Variants in ADK observed in about 807,000 individuals in gnomAD.
ADK encodes adenosine kinase, also known as N6,N6-dimethyladenosine kinase.
In ADK, 24 loss-of-function variants were observed where a neutral mutation model predicts 44.7. The observed-to-expected ratio is 0.54, with a 90% confidence interval of 0.39 to 0.76. ADK has a LOEUF of 0.76. Ranked by LOEUF, ADK falls within the 30% of genes least tolerant of loss-of-function variation. The pLI is 0.00. For missense variants in ADK, 321 were observed against 425.1 expected (o/e 0.76, Z 2.15); for synonymous variants, 128 against 142.6 (o/e 0.90, Z 0.73).
chr10:74,307,202 GT>G (rs776358309), intron 3 of ADK, among the ~76,000 whole-genome samples: 5 of 152,142 alleles, frequency 3.3e-5, no homozygotes, highest in Non-Finnish European at 7.4e-5. Context: ...CTCTTTTCTT[GT>G]TCTGTCTTTG....
At chr10:74,630,102 A>T (rs1853356099) in intron 9 of ADK, among the ~76,000 whole-genome samples, 1 of 152,164 alleles carries the variant, frequency 6.6e-6, no homozygotes, top group African/African-American at 2.4e-5. Flanking sequence ...GCAGCAAAAA[A>T]AAAGTTGTAA....
chr10:74,456,029 A>G (rs1474051902), intron 6 of ADK, among the ~76,000 whole-genome samples: 1 of 152,132 alleles, frequency 6.6e-6, no homozygotes, highest in Non-Finnish European at 1.5e-5. Context: ...GAGCACCCAG[A>G]TTCATAAAGC....
intron 9 of ADK, chr10:74,655,473 A>G: frequency 4.2e-6 from 2 of 473,084 alleles, no homozygotes; most frequent in South Asian, 3.3e-5. Flanking sequence ...GACACTCGCA[A>G]CATGCCTGTG....
chr10:74,380,790 G>A (rs761542077), intron 4 of ADK, among the ~76,000 whole-genome samples: 14 of 151,994 alleles, frequency 9.2e-5, no homozygotes, highest in Non-Finnish European at 1.9e-4. Context: ...TTAGCTATTA[G>A]CTTCTAGGCA....
intron 6 of ADK, among the ~76,000 whole-genome samples, chr10:74,417,123 T>A (rs920529803): frequency 6.6e-6 from 1 of 152,152 alleles, no homozygotes; most frequent in Non-Finnish European, 1.5e-5. Flanking sequence ...TTTCTCATTG[T>A]AAATATGTAT....
At chr10:74,508,557 A>G (rs1848174999) in intron 6 of ADK, 1 of 152,224 alleles carries the variant, frequency 6.6e-6, no homozygotes, top group African/African-American at 2.4e-5. Flanking sequence ...AGTAAAGCCT[A>G]GTAAAGTTAA....
chr10:74,405,263 A>T (rs917874106), intron 6 of ADK, among the ~76,000 whole-genome samples: 1 of 152,048 alleles, frequency 6.6e-6, no homozygotes, highest in Non-Finnish European at 1.5e-5. Context: ...TACTGCAACT[A>T]TATCAGTTCC....
chr10:74,273,173 CAG>C (rs1491051940), intron 3 of ADK, among the ~76,000 whole-genome samples: 15 of 130,890 alleles, frequency 1.1e-4, no homozygotes, highest in African/African-American at 1.7e-4. Context: ...AGAGGACAGC[CAG>C]AAAAAAAAAA....
At chr10:74,403,246 G>A (rs556226902) in intron 6 of ADK, among the ~76,000 whole-genome samples, 27 of 152,172 alleles carry the variant, frequency 1.8e-4, no homozygotes, top group Non-Finnish European at 3.8e-4. Context: ...CTTTGTGCTG[G>A]GAGAACCACT....
intron 6 of ADK, among the ~76,000 whole-genome samples, chr10:74,522,390 G>A (rs1848869986): frequency 6.6e-6 from 1 of 152,146 alleles, no homozygotes; most frequent in East Asian, 1.9e-4. Context: ...AAAGGTGGGA[G>A]AAGGTCAGAG....
At chr10:74,508,766 C>T (rs1249736965) in intron 6 of ADK, among the ~76,000 whole-genome samples, 3 of 152,010 alleles carry the variant, frequency 2.0e-5, no homozygotes, top group Non-Finnish European at 4.4e-5. Flanking sequence ...CATGGGTACT[C>T]TTAATGTGTT....
chr10:74,368,368 C>A (rs1842558656), intron 4 of ADK, among the ~76,000 whole-genome samples: 1 of 151,878 alleles, frequency 6.6e-6, no homozygotes, highest in Admixed American at 6.6e-5. Flanking sequence ...CTTGGCCCCA[C>A]AAAGTACTGA....
At chr10:74,705,006 A>G (rs1368814913) in intron 10 of ADK, among the ~76,000 whole-genome samples, 1 of 152,258 alleles carries the variant, frequency 6.6e-6, no homozygotes, top group Non-Finnish European at 1.5e-5. Flanking sequence ...ACATCATTCT[A>G]TTAACCATTT....
chr10:74,253,742 G>A (rs897736378), intron 3 of ADK, among the ~76,000 whole-genome samples: 1 of 149,050 alleles, frequency 6.7e-6, no homozygotes, highest in Admixed American at 6.7e-5. Context: ...AAGTTATAAA[G>A]CTGATATAAA....
intron 2 of ADK, among the ~76,000 whole-genome samples, chr10:74,203,206 ATTCTT>A (rs1239732247): frequency 6.6e-6 from 1 of 152,224 alleles, no homozygotes; most frequent in Non-Finnish European, 1.5e-5. Flanking sequence ...TGAAGAGACT[ATTCTT>A]TTCCCCACTG....
At chr10:74,216,734 A>AT (rs1844048312) in intron 2 of ADK, among the ~76,000 whole-genome samples, 1 of 151,234 alleles carries the variant, frequency 6.6e-6, no homozygotes, top group African/African-American at 2.4e-5. Context: ...CAAAAAAAAA[A>AT]ATAAAAAAAA....
chr10:74,647,420 A>G (rs1854093314), intron 9 of ADK, among the ~76,000 whole-genome samples: 1 of 152,164 alleles, frequency 6.6e-6, no homozygotes, highest in African/African-American at 2.4e-5. Flanking sequence ...GTAGTTATTT[A>G]TGTTAAAATA....
chr10:74,390,481 A>G (rs1288925989), intron 4 of ADK, among the ~76,000 whole-genome samples: 3 of 152,120 alleles, frequency 2.0e-5, no homozygotes, highest in African/African-American at 7.2e-5. Flanking sequence ...TGATCCACCA[A>G]TTGTTAACAT....
rs546152861 is a variant in ADK, at chr10:74,656,421, C to T, written c.878-13762C>T. Among the ~76,000 whole-genome samples the T allele has an allele frequency of 1.1e-4, 17 of 152,340 alleles. 2 individuals carry two copies. The highest frequency in any genetic ancestry group is 3.8e-4 in the African/African-American group (16 of 41,576). ...TTGTCTTAATCTCTTCAACTGACTGCATCCTCCCAAGGGAGGAGGGAGGAT... is the reference window on the plus strand; with the variant it reads ...TTGTCTTAATCTCTTCAACTGACTGTATCCTCCCAAGGGAGGAGGGAGGAT... On this transcript the variant is annotated intron_variant, in intron 9 of 10. Transcript: ENST00000539909.
Sources: allele counts gnomAD v4.1 joint callset (sites outside exome capture counted in the v4.1 genomes callset), GRCh38; gene constraint gnomAD v4.1.1; transcripts MANE v1.5; gene names NCBI Gene and HGNC (gene_info 2026-07-23, HGNC 2026-07-21).